The following SLC25A13 variants were observed in gnomAD, a reference collection of about 807,000 sequenced individuals.
The protein encoded by SLC25A13 is solute carrier family 25 member 13, also known as electrogenic aspartate/glutamate antiporter SLC25A13, mitochondrial.
SLC25A13 carries 70 observed loss-of-function variants against 85.5 expected under a neutral mutation model. That is an observed-to-expected ratio of 0.82 (90% confidence interval 0.68 to 1.00). SLC25A13 has a LOEUF of 1.00. Among genes scored for constraint, SLC25A13 ranks in the 50% least tolerant of loss-of-function variants. The pLI is 0.00. For synonymous variants in SLC25A13, 259 were observed against 288.7 expected (o/e 0.90, Z 1.04); for missense variants, 765 against 819.8 (o/e 0.93, Z 0.82).
At chr7:96,158,595 CAT>C (rs774494913) in intron 13 of SLC25A13, among the ~76,000 whole-genome samples, 2 of 152,332 alleles carry the variant, frequency 1.3e-5, no homozygotes, top group Non-Finnish European at 2.9e-5. Context: ...TCACAAATGA[CAT>C]GTGCTAAGAA....
intron 5 of SLC25A13, among the ~76,000 whole-genome samples, chr7:96,199,056 G>A (rs1795162679): frequency 6.6e-6 from 1 of 152,196 alleles, no homozygotes; most frequent in Admixed American, 6.5e-5. Flanking sequence ...TTAAGTGCAT[G>A]CTATGTCCCA....
intron 1 of SLC25A13, among the ~76,000 whole-genome samples, chr7:96,319,958 C>A (rs977982154): frequency 2.6e-5 from 4 of 152,182 alleles, no homozygotes; most frequent in Non-Finnish European, 5.9e-5. Flanking sequence ...AGAAGTACAA[C>A]CAAAGAGTTG....
At position 96,283,262 on chromosome 7, in the gene SLC25A13, A is replaced by C. The variant is rs1364521720; in HGVS notation, c.70-5924T>G. ...GCTTCAATAAGTTAGGGCAAAACAG[A>C]AACAGCCATATGTAGGAATATTATG... On this transcript the variant is annotated intron_variant, in intron 2 of 17. Transcript: ENST00000265631. 3 of 187,356 alleles carry C rather than the reference A, an allele frequency of 1.6e-5. No homozygotes were observed. In the Admixed American group the frequency reaches 1.8e-4, roughly 11 times the overall value. The allele number at this position is 187,356 out of a possible 1,614,324, so 11.6% of individuals were successfully genotyped here.
intron 14 of SLC25A13, among the ~76,000 whole-genome samples, chr7:96,132,964 C>T (rs959045990): frequency 2.6e-5 from 4 of 152,204 alleles, no homozygotes; most frequent in African/African-American, 9.7e-5. Context: ...ACTCCTGACT[C>T]AAACTGAGCT....
At chr7:96,274,098 A>G (rs1286638421) in intron 3 of SLC25A13, among the ~76,000 whole-genome samples, 2 of 152,162 alleles carry the variant, frequency 1.3e-5, no homozygotes, top group Non-Finnish European at 2.9e-5. Context: ...GAGAAGGCAT[A>G]ATCCAACAAT....
chr7:96,308,196 C>T (rs915622102), intron 1 of SLC25A13, among the ~76,000 whole-genome samples: 3 of 151,470 alleles, frequency 2.0e-5, no homozygotes, highest in African/African-American at 7.3e-5. Context: ...TGTTAACCAG[C>T]AGCATGACCT....
At chr7:96,204,812 C>T (rs1472094166) in intron 5 of SLC25A13, among the ~76,000 whole-genome samples, 5 of 152,150 alleles carry the variant, frequency 3.3e-5, no homozygotes, top group African/African-American at 9.7e-5. Context: ...TTGACAAACC[C>T]GACATGCTCA....
At chr7:96,171,765 G>A (rs1794013679) in intron 11 of SLC25A13, among the ~76,000 whole-genome samples, 1 of 152,144 alleles carries the variant, frequency 6.6e-6, no homozygotes, top group Non-Finnish European at 1.5e-5. Context: ...TAAATCAACA[G>A]TATTAGTGAT....
At chr7:96,283,574 C>T in intron 2 of SLC25A13, 1 of 335,128 alleles carries the variant, frequency 3.0e-6, no homozygotes, top group South Asian at 3.0e-5. Flanking sequence ...ATGCTGTTGG[C>T]ACTGTTGTAA....
At chr7:96,209,664 T>C (rs1030326315) in intron 4 of SLC25A13, among the ~76,000 whole-genome samples, 3 of 152,140 alleles carry the variant, frequency 2.0e-5, no homozygotes, top group African/African-American at 7.2e-5. Flanking sequence ...GGCCACTGAA[T>C]GTGCTGGTCC....
chr7:96,219,054 G>A (rs1473179279), intron 4 of SLC25A13, among the ~76,000 whole-genome samples: 2 of 152,086 alleles, frequency 1.3e-5, no homozygotes, highest in African/African-American at 4.8e-5. Context: ...CCAATATCAA[G>A]GTTGCCATTT....
At chr7:96,272,740 T>G (rs1798291162) in intron 3 of SLC25A13, among the ~76,000 whole-genome samples, 1 of 152,160 alleles carries the variant, frequency 6.6e-6, no homozygotes, top group Admixed American at 6.6e-5. Context: ...TCCAGTAATT[T>G]ATGTTGATAA....
At chr7:96,195,751 C>T (rs1795036078) in intron 5 of SLC25A13, among the ~76,000 whole-genome samples, 1 of 152,168 alleles carries the variant, frequency 6.6e-6, no homozygotes, top group Non-Finnish European at 1.5e-5. Flanking sequence ...TAGACTGCTG[C>T]CCCTTTCTCC....
chr7:96,282,100 C>T (rs966314113), intron 2 of SLC25A13, among the ~76,000 whole-genome samples: 15 of 152,142 alleles, frequency 9.9e-5, no homozygotes, highest in Admixed American at 6.5e-4. Context: ...GCCTTCCTCC[C>T]TTGCAATTTT....
At chr7:96,211,528 T>C (rs1429281101) in intron 4 of SLC25A13, among the ~76,000 whole-genome samples, 1 of 152,234 alleles carries the variant, frequency 6.6e-6, no homozygotes, top group Non-Finnish European at 1.5e-5. Flanking sequence ...ATTAATGTGT[T>C]TGTGCATATT....
At chr7:96,135,471 G>C (rs1329404821) in intron 14 of SLC25A13, among the ~76,000 whole-genome samples, 1 of 152,198 alleles carries the variant, frequency 6.6e-6, no homozygotes, top group Non-Finnish European at 1.5e-5. Flanking sequence ...GGCAATACCT[G>C]ACCTGTTGCT....
intron 11 of SLC25A13, among the ~76,000 whole-genome samples, chr7:96,182,422 C>T (rs1221740083): frequency 1.3e-5 from 2 of 152,200 alleles, no homozygotes; most frequent in Admixed American, 6.5e-5. Context: ...TGTCTCTTGC[C>T]CTTAAGGTTG....
chr7:96,235,484 T>A (rs1796712018), intron 3 of SLC25A13, among the ~76,000 whole-genome samples: 1 of 152,104 alleles, frequency 6.6e-6, no homozygotes, highest in Non-Finnish European at 1.5e-5. Flanking sequence ...CAGACTAGTG[T>A]ATAGAGGAAG....
At chr7:96,122,556 G>A (rs906895016) in intron 15 of SLC25A13, among the ~76,000 whole-genome samples, 2 of 152,118 alleles carry the variant, frequency 1.3e-5, no homozygotes, top group Non-Finnish European at 2.9e-5. Flanking sequence ...AACACTATGT[G>A]TGTTGGGGGG....
Sources: allele counts gnomAD v4.1 joint callset (sites outside exome capture counted in the v4.1 genomes callset), GRCh38; gene constraint gnomAD v4.1.1; transcripts MANE v1.5; gene names NCBI Gene and HGNC (gene_info 2026-07-23, HGNC 2026-07-21).